Variants in NRXN3 observed in about 807,000 individuals in gnomAD.
NRXN3 encodes the protein neurexin 3, also known as neurexin III.
A neutral mutation model predicts 137.6 loss-of-function variants in NRXN3; 32 were observed. The observed-to-expected ratio is 0.23, with a 90% CI of 0.18 to 0.31. NRXN3 has a LOEUF of 0.31. NRXN3 is among the 10% of genes least tolerant of loss of function. The pLI is 1.00. For missense variants in NRXN3, 1,574 were observed against 2,062.5 expected, an observed-to-expected ratio of 0.76 and a Z score of 4.59; for synonymous variants, 798 against 784.5, an observed-to-expected ratio of 1.02 and a Z score of -0.29.
chr14:78,329,588 T>C (rs906788582), intron 4 of NRXN3, among the ~76,000 whole-genome samples: 2 of 152,174 alleles, frequency 1.3e-5, no homozygotes, highest in Admixed American at 1.3e-4. Context: ...TGGACTGTTA[T>C]AAAATGCACA....
intron 6 of NRXN3, among the ~76,000 whole-genome samples, chr14:78,696,247 C>G (rs977484197): frequency 6.6e-6 from 1 of 152,122 alleles, no homozygotes; most frequent in African/African-American, 2.4e-5. Flanking sequence ...TGAAGCCAGA[C>G]TTATCTCTAT....
chr14:79,519,071 G>C (rs138592918), intron 16 of NRXN3, among the ~76,000 whole-genome samples: 1,643 of 152,064 alleles, frequency 0.011, 15 homozygotes, highest in Non-Finnish European at 0.016. Context: ...TTTTTCTAAG[G>C]GTGGCTCAGG....
rs539470012 is a variant in NRXN3, at chr14:78,712,390, G to T, written c.1661-2366G>T. Among the ~76,000 whole-genome samples, 5 of 152,278 alleles carry T rather than the reference G, an allele frequency of 3.3e-5. No individual in the cohort carries two copies. The South Asian group carries it at 8.3e-4, about 25-fold the overall frequency. On this transcript the variant is annotated intron_variant, in intron 7 of 20. Transcript: ENST00000335750. Reference sequence around the variant, plus strand: ...AAATGGTAGCCAGGACATTATTGTTGTTATATAAGTGTTTGAAAGATTGAA... The same window carrying T: ...AAATGGTAGCCAGGACATTATTGTTTTTATATAAGTGTTTGAAAGATTGAA...
chr14:78,773,880 C>T (rs1395413930), intron 8 of NRXN3, among the ~76,000 whole-genome samples: 1 of 152,154 alleles, frequency 6.6e-6, no homozygotes, highest in Non-Finnish European at 1.5e-5. Flanking sequence ...TGGCTCACTG[C>T]AACCTCCGCC....
At chr14:78,788,278 T>TA (rs1555495926) in intron 8 of NRXN3, among the ~76,000 whole-genome samples, 2 of 6,448 alleles carry the variant, frequency 3.1e-4, no homozygotes, top group Non-Finnish European at 6.6e-3. Flanking sequence ...GTACTGAGCA[T>TA]GGTATTATCA....
At chr14:79,674,594 A>G (rs549225110) in intron 17 of NRXN3, among the ~76,000 whole-genome samples, 5 of 152,016 alleles carry the variant, frequency 3.3e-5, no homozygotes, top group Admixed American at 3.3e-4. Flanking sequence ...TGCCCACTCC[A>G]CTTTTCCAAT....
chr14:79,498,698 C>T (rs2096790660), intron 16 of NRXN3, among the ~76,000 whole-genome samples: 1 of 152,222 alleles, frequency 6.6e-6, no homozygotes, highest in Non-Finnish European at 1.5e-5. Flanking sequence ...TCCTCACTTC[C>T]ATCTCTACTA....
At chr14:78,633,267 A>AAAAAAAAAAAG (rs1376443966) in intron 4 of NRXN3, among the ~76,000 whole-genome samples, 3 of 150,084 alleles carry the variant, frequency 2.0e-5, no homozygotes, top group African/African-American at 7.5e-5. Context: ...AAAAAAAAAA[A>AAAAAAAAAAAG]AGAGACTGGT....
intron 8 of NRXN3, among the ~76,000 whole-genome samples, chr14:78,800,712 T>A (rs1282632543): frequency 6.6e-6 from 1 of 152,196 alleles, no homozygotes; most frequent in Admixed American, 6.5e-5. Flanking sequence ...AGGGATATGA[T>A]AACAACACAG....
chr14:78,484,408 A>G (rs981610336), intron 4 of NRXN3, among the ~76,000 whole-genome samples: 5 of 152,192 alleles, frequency 3.3e-5, no homozygotes, highest in African/African-American at 1.2e-4. Flanking sequence ...GTGAAGTTGC[A>G]GGTTTCAGGG....
At chr14:79,216,792 T>C (rs2068579667) in intron 15 of NRXN3, among the ~76,000 whole-genome samples, 1 of 152,184 alleles carries the variant, frequency 6.6e-6, no homozygotes, top group East Asian at 1.9e-4. Flanking sequence ...ATTGTGTTAT[T>C]CCATTTTGTG....
At chr14:78,554,818 A>G (rs769155099) in intron 4 of NRXN3, among the ~76,000 whole-genome samples, 4 of 152,130 alleles carry the variant, frequency 2.6e-5, no homozygotes, top group Non-Finnish European at 5.9e-5. Flanking sequence ...GTGTCTTCTA[A>G]CACTTTTCAG....
intron 4 of NRXN3, among the ~76,000 whole-genome samples, chr14:78,628,379 C>T (rs1292235348): frequency 6.6e-6 from 1 of 152,154 alleles, no homozygotes; most frequent in East Asian, 1.9e-4. Context: ...GTTTTCAAAA[C>T]AATTTTTTTA....
chr14:78,619,198 T>A (rs182454099), intron 4 of NRXN3, among the ~76,000 whole-genome samples: 6 of 152,306 alleles, frequency 3.9e-5, no homozygotes, highest in Admixed American at 2.6e-4. Flanking sequence ...CCACTGGACA[T>A]CAGGGAAAGA....
intron 17 of NRXN3, among the ~76,000 whole-genome samples, chr14:79,688,101 A>G (rs2098702490): frequency 1.3e-5 from 2 of 152,116 alleles, no homozygotes; most frequent in African/African-American, 4.8e-5. Flanking sequence ...CTTTTGAATG[A>G]AGGACTGATA....
At chr14:79,288,861 A>G (rs758724471) in intron 15 of NRXN3, among the ~76,000 whole-genome samples, 4 of 152,240 alleles carry the variant, frequency 2.6e-5, no homozygotes, top group Non-Finnish European at 4.4e-5. Flanking sequence ...AGTAAATAAA[A>G]GGAGCAGACT....
chr14:78,366,677 A>C (rs2085997931), intron 4 of NRXN3, among the ~76,000 whole-genome samples: 1 of 152,148 alleles, frequency 6.6e-6, no homozygotes, highest in Non-Finnish European at 1.5e-5. Context: ...AAAGAGAGAG[A>C]GCTTGTGCAG....
Position 78,968,364 on chromosome 14 carries a change from CT to C in NRXN3, c.3142+20del, listed in dbSNP as rs1567853315. ...CTGTGAAGGTACAACCTATTTTTTT[CT>C]TGTTAAGCTACAGCCTTGTTGCAAG... is the stretch of plus-strand genomic sequence containing the variant. On this transcript the variant is annotated intron_variant, in intron 14 of 20. Transcript: ENST00000335750. The C allele has an allele frequency of 6.2e-7, 1 of 1,609,832 alleles. No individual in the cohort carries two copies.
At chr14:78,885,413 A>T (rs751153848) in intron 10 of NRXN3, among the ~76,000 whole-genome samples, 2 of 152,002 alleles carry the variant, frequency 1.3e-5, no homozygotes, top group Non-Finnish European at 2.9e-5. Context: ...AAATCTGCAA[A>T]TGAAACTAAA....
Sources: allele counts gnomAD v4.1 joint callset (sites outside exome capture counted in the v4.1 genomes callset), GRCh38; gene constraint gnomAD v4.1.1; transcripts MANE v1.5; gene names NCBI Gene and HGNC (gene_info 2026-07-23, HGNC 2026-07-21).